TCF4: variants seen among roughly 807,000 people sequenced by gnomAD.
The protein encoded by TCF4 is transcription factor 4, also known as SL3-3 enhancer factor 2.
Under a neutral mutation model 82.1 loss-of-function variants are expected in TCF4, and 3 were observed. That is an observed-to-expected ratio of 0.04 (90% CI 0.02 to 0.09). The LOEUF (loss-of-function observed/expected upper bound fraction) is 0.09. Ranked by LOEUF, TCF4 falls within the 10% of genes least tolerant of loss-of-function variation. The pLI is 1.00. For synonymous variants in TCF4, 276 were observed against 309.6 expected, an observed-to-expected ratio of 0.89 and a Z score of 1.14; for missense variants, 518 against 852.7, an observed-to-expected ratio of 0.61 and a Z score of 4.89.
intron 5 of TCF4, among the ~76,000 whole-genome samples, chr18:55,416,450 C>A (rs1347250047): frequency 6.6e-6 from 1 of 152,172 alleles, no homozygotes; most frequent in African/African-American, 2.4e-5. Flanking sequence ...CCTAAATGAT[C>A]ATTTCACTTG....
At chr18:55,602,607 A>G (rs2097698274) in intron 2 of TCF4, among the ~76,000 whole-genome samples, 1 of 152,244 alleles carries the variant, frequency 6.6e-6, no homozygotes, top group African/African-American at 2.4e-5. Context: ...GATTATCAGC[A>G]GCATTGGCAA....
chr18:55,362,169 G>A (rs1397607907), intron 6 of TCF4, among the ~76,000 whole-genome samples: 1 of 152,072 alleles, frequency 6.6e-6, no homozygotes, highest in Non-Finnish European at 1.5e-5. Context: ...ATGGCCAGGT[G>A]TAATGGCTCA....
At chr18:55,488,971 C>T (rs2145760680) in intron 3 of TCF4, among the ~76,000 whole-genome samples, 1 of 152,290 alleles carries the variant, frequency 6.6e-6, no homozygotes, top group East Asian at 1.9e-4. Flanking sequence ...TTCCTGTCAC[C>T]TAGAATCTCT....
intron 6 of TCF4, among the ~76,000 whole-genome samples, chr18:55,396,520 G>A (rs2093500793): frequency 6.6e-6 from 1 of 152,130 alleles, no homozygotes; most frequent in Non-Finnish European, 1.5e-5. Context: ...CAACCCCCTC[G>A]AGTCGGCCAG....
At chr18:55,277,373 AAG>A (rs986848534) in intron 9 of TCF4, among the ~76,000 whole-genome samples, 1 of 152,192 alleles carries the variant, frequency 6.6e-6, no homozygotes, top group African/African-American at 2.4e-5. Flanking sequence ...ATCACTAAAC[AAG>A]AGTCTCCTGA....
rs577287449 is a variant in TCF4, at chr18:55,471,528, A to G, written c.146-7391T>C. Among the ~76,000 whole-genome samples, 14 of 152,318 alleles carry G rather than the reference A, an allele frequency of 9.2e-5. No homozygotes were observed. The South Asian group carries it at 2.9e-3, about 32-fold the overall frequency. On this transcript the variant is annotated intron_variant, in intron 3 of 19. Coordinates refer to ENST00000354452, the MANE Select transcript of TCF4 (RefSeq NM_001083962.2). Reference sequence around the variant, plus strand: ...TACTTTGCTTATGTGGACAGCAATCAAAACTATCAGACTAGAAAAAGTGAG... The same window carrying G: ...TACTTTGCTTATGTGGACAGCAATCGAAACTATCAGACTAGAAAAAGTGAG...
intron 2 of TCF4, among the ~76,000 whole-genome samples, chr18:55,626,192 C>T (rs2147996077): frequency 6.6e-6 from 1 of 152,302 alleles, no homozygotes. Flanking sequence ...TTCACATTTT[C>T]ATTAGAAATA....
chr18:55,251,149 G>A (rs41452747), intron 15 of TCF4, among the ~76,000 whole-genome samples: 7,359 of 152,158 alleles, frequency 0.048, 202 homozygotes, highest in Non-Finnish European at 0.067. Context: ...TAAGGCTTTC[G>A]GTAAATGGTA....
chr18:55,233,246 C>T (rs550558155), intron 16 of TCF4, among the ~76,000 whole-genome samples: 2 of 152,322 alleles, frequency 1.3e-5, no homozygotes, highest in African/African-American at 4.8e-5. Flanking sequence ...CCAAGTCACA[C>T]TGCATTTTAA....
chr18:55,254,422 C>T (rs757411809), intron 15 of TCF4, 75 bp downstream of exon 15: 33 of 1,430,742 alleles, frequency 2.3e-5, no homozygotes, highest in Non-Finnish European at 2.9e-5. Context: ...TTTTAAAAAA[C>T]AGCAACAATA....
chr18:55,588,663 C>G, upstream of TCF4: 1 of 1,321,192 alleles, frequency 7.6e-7, no homozygotes, highest in Non-Finnish European at 9.7e-7. Context: ...TGCAAATACA[C>G]GTGATGCAAA....
At chr18:55,548,682 G>T (rs1354922362) in intron 3 of TCF4, among the ~76,000 whole-genome samples, 1 of 152,142 alleles carries the variant, frequency 6.6e-6, no homozygotes, top group Admixed American at 6.5e-5. Flanking sequence ...AGGCTATATG[G>T]CATAGCCTAT....
chr18:55,516,864 T>C (rs1219312599), intron 3 of TCF4, among the ~76,000 whole-genome samples: 1 of 152,138 alleles, frequency 6.6e-6, no homozygotes, highest in East Asian at 1.9e-4. Context: ...TTAAGGTCTT[T>C]GGCTTTAACT....
chr18:55,321,795 G>C (rs2075557787), intron 8 of TCF4: 1 of 1,509,080 alleles, frequency 6.6e-7, no homozygotes, highest in South Asian at 1.2e-5. Flanking sequence ...TTTCAAACTC[G>C]CTGTCCCTTT....
intron 3 of TCF4, among the ~76,000 whole-genome samples, chr18:55,533,233 AGGGCATGCAACCCACC>A (rs1186253218): frequency 1.1e-4 from 16 of 152,356 alleles, no homozygotes; most frequent in Admixed American, 4.6e-4. Flanking sequence ...GTATGGCTGC[AGGGCATGCAACCCACC>A]TTCCCCCATT....
intron 3 of TCF4, among the ~76,000 whole-genome samples, chr18:55,524,232 T>C (rs1036206490): frequency 6.6e-6 from 1 of 152,058 alleles, no homozygotes; most frequent in Non-Finnish European, 1.5e-5. Flanking sequence ...GTCAAGAATG[T>C]TTTTCTGCAA....
chr18:55,572,795 T>C (rs1284950687), intron 3 of TCF4, among the ~76,000 whole-genome samples: 1 of 152,162 alleles, frequency 6.6e-6, no homozygotes, highest in Admixed American at 6.5e-5. Context: ...GGCTCACGCC[T>C]GTAATCCCAG....
chr18:55,525,279 C>T (rs944432342), intron 3 of TCF4, among the ~76,000 whole-genome samples: 25 of 151,742 alleles, frequency 1.6e-4, no homozygotes, highest in Admixed American at 2.6e-4. Flanking sequence ...CTTCTTCATT[C>T]CACGTAACCT....
At chr18:55,511,331 T>TAAAAAAAAAAAAAA (rs59685050) in intron 3 of TCF4, among the ~76,000 whole-genome samples, 3 of 131,398 alleles carry the variant, frequency 2.3e-5, no homozygotes, top group South Asian at 2.4e-4. Flanking sequence ...TCCAAAAGTT[T>TAAAAAAAAAAAAAA]AAAAAAAAAA....
Sources: gnomAD v4.1 joint callset for allele counts (sites outside exome capture counted in the v4.1 genomes callset) on GRCh38, gnomAD v4.1.1 for gene constraint, MANE v1.5 for transcripts, NCBI Gene and HGNC (gene_info 2026-07-23, HGNC 2026-07-21) for gene names.